NAALADL2: variants seen among roughly 807,000 people sequenced by gnomAD.
The protein encoded by NAALADL2 is inactive N-acetylated-alpha-linked acidic dipeptidase-like protein 2.
NAALADL2 carries 76 observed loss-of-function variants against 87.2 expected under a neutral mutation model. The ratio of observed to expected loss-of-function variants is 0.87; its 90% confidence interval spans 0.72 to 1.05. NAALADL2 has a LOEUF of 1.05. NAALADL2 is among the 50% of genes least tolerant of loss of function. NAALADL2 has a pLI of 0.00. For synonymous variants in NAALADL2, 354 were observed against 331.0 expected (o/e 1.07, Z -0.75); for missense variants, 1,089 against 945.8 (o/e 1.15, Z -1.99).
chr3:175,499,533 G>A (rs1729259197), intron 9 of NAALADL2, among the ~76,000 whole-genome samples: 1 of 151,528 alleles, frequency 6.6e-6, no homozygotes, highest in Non-Finnish European at 1.5e-5. Context: ...TAACTTCTGA[G>A]GTTTTAGTTC....
At chr3:175,651,064 G>A (rs943544498) in intron 11 of NAALADL2, among the ~76,000 whole-genome samples, 1 of 152,114 alleles carries the variant, frequency 6.6e-6, no homozygotes, top group Non-Finnish European at 1.5e-5. Flanking sequence ...CTACAGCATT[G>A]TTTGTGTAGC....
At position 175,206,263 on chromosome 3, in the gene NAALADL2, T is replaced by TATA. The variant is rs1553812240; in HGVS notation, c.546-27668_546-27667insATA. Among the ~76,000 whole-genome samples the TATA allele has an allele frequency of 4.6e-3, 348 of 75,710 alleles. 13 individuals carry two copies. Among genetic ancestry groups the TATA allele is most frequent in the African/African-American group, 0.013 (218 of 16,626 alleles). 49.7% of individuals were successfully genotyped at this position (75,710 alleles called of 152,430 possible). ...AAAAAACTATATATATATATATATA[T>TATA]TTTTTTTTTTCACTGTGTGTGTGTA... On this transcript the variant is annotated intron_variant, in intron 2 of 13. Transcript: ENST00000454872.
At chr3:175,439,023 C>G (rs1191933645) in intron 5 of NAALADL2, among the ~76,000 whole-genome samples, 1 of 152,090 alleles carries the variant, frequency 6.6e-6, no homozygotes, top group Admixed American at 6.6e-5. Context: ...TCCCTCAAGT[C>G]CCCAAAGTCC....
At chr3:175,685,083 C>G (rs1449125882) in intron 11 of NAALADL2, among the ~76,000 whole-genome samples, 2 of 152,106 alleles carry the variant, frequency 1.3e-5, no homozygotes, top group Admixed American at 1.3e-4. Flanking sequence ...TACCTCACTC[C>G]CATATCAAGA....
chr3:174,998,629 T>A (rs1747841539), intron 1 of NAALADL2, among the ~76,000 whole-genome samples: 1 of 152,152 alleles, frequency 6.6e-6, no homozygotes, highest in Admixed American at 6.6e-5. Flanking sequence ...GCTTTCAAAT[T>A]TTCACGTGAA....
intron 2 of NAALADL2, among the ~76,000 whole-genome samples, chr3:174,635,971 G>T (rs181956902): frequency 6.6e-6 from 1 of 152,122 alleles, no homozygotes; most frequent in East Asian, 1.9e-4. Flanking sequence ...TTTAATAGTT[G>T]AAAATTCAGA....
At chr3:175,292,593 T>TACACACACACAC (rs71164627) in intron 4 of NAALADL2, among the ~76,000 whole-genome samples, 19,130 of 145,116 alleles carry the variant, frequency 0.13, 1,470 homozygotes, top group Middle Eastern at 0.18. Context: ...TGAGTTGGGA[T>TACACACACACAC]ACACACACAC....
At chr3:175,599,131 G>A (rs980305118) in intron 10 of NAALADL2, among the ~76,000 whole-genome samples, 4 of 152,056 alleles carry the variant, frequency 2.6e-5, no homozygotes, top group Admixed American at 6.6e-5. Context: ...ATTCTGAAAC[G>A]TGAACTATGA....
chr3:174,781,667 A>G (rs148675638), intron 3 of NAALADL2, among the ~76,000 whole-genome samples: 136 of 152,142 alleles, frequency 8.9e-4, no homozygotes, highest in Non-Finnish European at 9.7e-4. Flanking sequence ...GATAGGACTT[A>G]ACATAAAGAG....
chr3:174,886,482 TCAATC>T (rs924814490), intron 1 of NAALADL2, among the ~76,000 whole-genome samples: 1 of 152,100 alleles, frequency 6.6e-6, no homozygotes, highest in African/African-American at 2.4e-5. Context: ...TTTGTATCCT[TCAATC>T]CAATCAAGTT....
chr3:175,603,971 C>A (rs1723313989), intron 10 of NAALADL2, among the ~76,000 whole-genome samples: 1 of 151,996 alleles, frequency 6.6e-6, no homozygotes, highest in African/African-American at 2.4e-5. Flanking sequence ...CTAGCCTGGG[C>A]AATAGAGTAA....
At chr3:175,317,444 C>T (rs1759298570) in intron 4 of NAALADL2, among the ~76,000 whole-genome samples, 1 of 151,864 alleles carries the variant, frequency 6.6e-6, no homozygotes. Context: ...AACCTGACCT[C>T]ACAATCCCTC....
At chr3:174,634,596 C>A (rs1722451880) in intron 2 of NAALADL2, among the ~76,000 whole-genome samples, 1 of 152,020 alleles carries the variant, frequency 6.6e-6, no homozygotes, top group Admixed American at 6.6e-5. Context: ...TGACAGATCC[C>A]CATCATGACC....
intron 5 of NAALADL2, among the ~76,000 whole-genome samples, chr3:175,434,099 G>A (rs1053847573): frequency 6.6e-6 from 1 of 151,910 alleles, no homozygotes; most frequent in African/African-American, 2.4e-5. Flanking sequence ...AACCAGGAAG[G>A]GAATATATTG....
At chr3:174,689,420 T>C (rs1409163957) in intron 2 of NAALADL2, among the ~76,000 whole-genome samples, 6 of 149,640 alleles carry the variant, frequency 4.0e-5, no homozygotes, top group Non-Finnish European at 7.4e-5. Flanking sequence ...GTTTGAGCAA[T>C]GGGTCACTTC....
At chr3:174,570,366 G>A (rs1373287342) in intron 2 of NAALADL2, among the ~76,000 whole-genome samples, 1 of 151,690 alleles carries the variant, frequency 6.6e-6, no homozygotes, top group African/African-American at 2.4e-5. Flanking sequence ...CCTGAAATAT[G>A]GATTAAATTG....
At position 175,695,558 on chromosome 3, in the gene NAALADL2, C is replaced by T. The variant is rs115084849; in HGVS notation, c.1897-41748C>T. Among the ~76,000 whole-genome samples the T allele has an allele frequency of 2.8e-3, 433 of 152,246 alleles. 5 individuals carry two copies. The highest frequency in any genetic ancestry group is 0.01 in the African/African-American group (426 of 41,554). On this transcript the variant is annotated intron_variant, in intron 11 of 13. Coordinates refer to ENST00000454872, the MANE Select transcript of NAALADL2 (RefSeq NM_207015.3). ...GAAATATGCTGAGCTTTTGTAGGCA[C>T]ACTTATCACTCTCTTTATCTGTATA...
intron 11 of NAALADL2, among the ~76,000 whole-genome samples, chr3:175,674,103 C>T (rs1560955226): frequency 6.6e-6 from 1 of 151,996 alleles, no homozygotes; most frequent in African/African-American, 2.4e-5. Context: ...CTCCCTGCTT[C>T]GTAAGGTGTT....
At chr3:174,635,758 C>T (rs866893982) in intron 2 of NAALADL2, among the ~76,000 whole-genome samples, 4 of 152,124 alleles carry the variant, frequency 2.6e-5, no homozygotes, top group Non-Finnish European at 5.9e-5. Context: ...CTGTTTGGGC[C>T]TCCCAAAGTG....
Sources: allele counts gnomAD v4.1 joint callset (sites outside exome capture counted in the v4.1 genomes callset), GRCh38; gene constraint gnomAD v4.1.1; transcripts MANE v1.5; gene names NCBI Gene and HGNC (gene_info 2026-07-23, HGNC 2026-07-21).